KDM2A: variants seen among roughly 807,000 people sequenced by gnomAD.
The protein encoded by KDM2A is lysine-specific demethylase 2A.
In KDM2A, 3 loss-of-function variants were observed where a neutral mutation model predicts 137.3. That is an observed-to-expected ratio of 0.02 (90% CI 0.01 to 0.06). KDM2A has a LOEUF of 0.06. Ranked by LOEUF, KDM2A falls within the 10% of genes least tolerant of loss-of-function variation. KDM2A has a pLI of 1.00. For synonymous variants in KDM2A, 512 were observed against 541.5 expected (o/e 0.95, Z 0.76); for missense variants, 738 against 1,510.6 (o/e 0.49, Z 8.48).
chr11:67,146,632 A>G (rs564914588), intron 2 of KDM2A, among the ~76,000 whole-genome samples: 40 of 152,060 alleles, frequency 2.6e-4, no homozygotes, highest in Non-Finnish European at 4.4e-4. Flanking sequence ...CCTCAGCCCC[A>G]CAAGTACCAG....
At chr11:67,249,204 C>T (rs891746734) in intron 16 of KDM2A, among the ~76,000 whole-genome samples, 1 of 152,212 alleles carries the variant, frequency 6.6e-6, no homozygotes, top group Non-Finnish European at 1.5e-5. Context: ...AGTTCTTGCA[C>T]TAGTGACCTT....
At chr11:67,138,492 A>G (rs1389967678) in intron 2 of KDM2A, among the ~76,000 whole-genome samples, 2 of 152,140 alleles carry the variant, frequency 1.3e-5, no homozygotes, top group African/African-American at 4.8e-5. Context: ...TAGAAAGGGA[A>G]TTCTTGGGCT....
chr11:67,195,190 A>G (rs1231944070), intron 5 of KDM2A, among the ~76,000 whole-genome samples: 2 of 151,932 alleles, frequency 1.3e-5, no homozygotes, highest in Non-Finnish European at 2.9e-5. Flanking sequence ...TTTATCCATG[A>G]CTTGAGCCAT....
intron 5 of KDM2A, among the ~76,000 whole-genome samples, chr11:67,194,535 G>A (rs1345002089): frequency 6.6e-6 from 1 of 152,184 alleles, no homozygotes; most frequent in Non-Finnish European, 1.5e-5. Context: ...AGTAAATCAT[G>A]TAAATACTGC....
At chr11:67,241,157 A>AGT (rs972528424) in intron 12 of KDM2A, among the ~76,000 whole-genome samples, 11 of 152,246 alleles carry the variant, frequency 7.2e-5, no homozygotes, top group African/African-American at 2.6e-4. Flanking sequence ...GTCAGTGCGA[A>AGT]GTGGGGGAGG....
Position 67,140,375 on chromosome 11 carries a change from AT to A in KDM2A, c.42+19018del, listed in dbSNP as rs540583610. ...AGTGAGATCTTGTCTCAAAAAAAAAATATCATGGTTTTATACAAAGAATATA... is the reference window on the plus strand; with the variant it reads ...AGTGAGATCTTGTCTCAAAAAAAAAAATCATGGTTTTATACAAAGAATATA... On this transcript the variant is annotated intron_variant, in intron 2 of 20. Coordinates refer to ENST00000529006, the MANE Select transcript of KDM2A (RefSeq NM_012308.3). Among the ~76,000 whole-genome samples, 157 of 151,980 alleles carry A rather than the reference AT, an allele frequency of 1.0e-3. 1 individual carries two copies. The South Asian group carries it at 0.024, about 24-fold the overall frequency.
intron 2 of KDM2A, among the ~76,000 whole-genome samples, chr11:67,128,812 T>C (rs1855788391): frequency 6.6e-6 from 1 of 152,240 alleles, no homozygotes; most frequent in East Asian, 1.9e-4. Flanking sequence ...ATGCTTCAAA[T>C]AGGGCCTAAC....
In KDM2A at chr11:67,217,880, C is replaced by T. The variant is rs770426802; in HGVS notation, c.837C>T (p.Pro279=). The change falls in exon 9 of 21, where the codon CCC becomes CCT. Residue 279 remains proline (P), a synonymous_variant. Transcript: ENST00000529006. ...ELKQGYTFVI[P]SGWIHAVYTP... The stretch of plus-strand genomic sequence containing the variant: ...AGCAGGGCTATACCTTCGTCATTCC[C>T]TCAGGTAAGCAAAATGGGAAGAGTG... 2.5e-6 allele frequency: 4 copies of T among 1,598,946 alleles called. No individual in the cohort carries two copies. Among genetic ancestry groups the T allele is most frequent in the Non-Finnish European group, 3.4e-6 (4 of 1,172,658 alleles).
At chr11:67,121,553 C>G (rs999497074) in intron 2 of KDM2A, among the ~76,000 whole-genome samples, 195 bp downstream of exon 2, 2 of 152,048 alleles carry the variant, frequency 1.3e-5, no homozygotes, top group African/African-American at 4.8e-5. Flanking sequence ...ATATATTTAT[C>G]TTGTTTGGAA....
At position 67,182,884 on chromosome 11, in the gene KDM2A, T is replaced by C. The variant is rs142888641; in HGVS notation, c.307+992T>C. Among the ~76,000 whole-genome samples, 7 of 152,348 alleles carry C rather than the reference T, an allele frequency of 4.6e-5. 2 individuals carry two copies. The highest frequency in any genetic ancestry group is 1.7e-4 in the African/African-American group (7 of 41,584). On this transcript the variant is annotated intron_variant, in intron 5 of 20. Transcript: ENST00000529006. ...CAATAGGACTTAAAACAAAGGGACTTTTTAAATTTTCTTCCTAGCACTAGA... is the reference window on the plus strand; with the variant it reads ...CAATAGGACTTAAAACAAAGGGACTCTTTAAATTTTCTTCCTAGCACTAGA...
At position 67,231,941 on chromosome 11, in the gene KDM2A, C is replaced by A; in HGVS notation, c.1460C>A (p.Ala487Asp). The change falls in exon 12 of 21, where the codon GCT becomes GAT. Residue 487 changes from alanine to aspartate, a missense_variant. Ala to Asp is a moderately radical substitution (Grantham distance 126). Around this residue, in one of 9 missense-constraint regions of KDM2A, gnomAD observed 71 missense variants for 147.9 expected, o/e 0.48. Coordinates refer to ENST00000529006, the MANE Select transcript of KDM2A (RefSeq NM_012308.3). The stretch of plus-strand genomic sequence containing the variant: ...CCCACAGGGATAGAAGATGAAGATG[C>A]TCTCATTGCTGATGTAAAGGTAAGG... The part of the protein sequence containing the change: ...CVPTGIEDED[A>D]LIADVKILLE... 6.2e-7 allele frequency: 1 copy of A among 1,612,800 alleles called. No individual in the cohort carries two copies.
intron 5 of KDM2A, among the ~76,000 whole-genome samples, chr11:67,189,876 G>A (rs752453568): frequency 2.0e-5 from 3 of 151,976 alleles, no homozygotes; most frequent in Non-Finnish European, 4.4e-5. Flanking sequence ...AACAAAAGAA[G>A]AGAAACTTAA....
chr11:67,120,206 C>G (rs762591056), intron 1 of KDM2A, among the ~76,000 whole-genome samples, 157 bp downstream of exon 1: 2 of 152,232 alleles, frequency 1.3e-5, no homozygotes, highest in Non-Finnish European at 2.9e-5. Flanking sequence ...CCTCTCCGGC[C>G]CTGGCTGCTC....
At chr11:67,186,834 G>A (rs1590760281) in intron 5 of KDM2A, among the ~76,000 whole-genome samples, 2 of 152,202 alleles carry the variant, frequency 1.3e-5, no homozygotes, top group East Asian at 3.8e-4. Context: ...TCAGTAGGCT[G>A]AGGTGGGAGG....
At chr11:67,154,983 T>C (rs189199990) in intron 2 of KDM2A, among the ~76,000 whole-genome samples, 17 of 152,318 alleles carry the variant, frequency 1.1e-4, no homozygotes, top group Admixed American at 3.9e-4. Flanking sequence ...TCAGCATTTG[T>C]GTGTAAATAT....
At chr11:67,124,551 G>T (rs562725305) in intron 2 of KDM2A, among the ~76,000 whole-genome samples, 144 of 147,348 alleles carry the variant, frequency 9.8e-4, no homozygotes, top group Non-Finnish European at 1.8e-3. Context: ...GACCTCAGAT[G>T]ATCACCCACC....
chr11:67,173,902 G>A (rs1251947337), intron 2 of KDM2A, among the ~76,000 whole-genome samples: 1 of 151,378 alleles, frequency 6.6e-6, no homozygotes, highest in Non-Finnish European at 1.5e-5. Context: ...TTATAAGATA[G>A]GGTCTTGGTA....
rs554474405 is a variant in KDM2A, at chr11:67,247,394, T to A, written c.1966-887T>A. Reference sequence around the variant, plus strand: ...TGTGAGCTACCGCACCCAGCCTGATTCTTAGGATATTTTAACAGCATTACA... The same window carrying A: ...TGTGAGCTACCGCACCCAGCCTGATACTTAGGATATTTTAACAGCATTACA... On this transcript the variant is annotated intron_variant, in intron 15 of 20. Coordinates refer to ENST00000529006, the MANE Select transcript of KDM2A (RefSeq NM_012308.3). Among the ~76,000 whole-genome samples the A allele has an allele frequency of 8.9e-4, 132 of 148,414 alleles. 1 individual carries two copies. The highest frequency in any genetic ancestry group is 2.9e-3 in the African/African-American group (116 of 40,356).
At chr11:67,236,596 C>G (rs962120607) in intron 12 of KDM2A, among the ~76,000 whole-genome samples, 5 of 152,160 alleles carry the variant, frequency 3.3e-5, no homozygotes, top group Non-Finnish European at 7.3e-5. Flanking sequence ...TACTTTTCGA[C>G]TTTCCTGTTT....
Sources: gnomAD v4.1 joint callset for allele counts (sites outside exome capture counted in the v4.1 genomes callset) on GRCh38, gnomAD v4.1.1 for gene constraint, gnomAD v4.1.1 regional missense constraint, MANE v1.5 for transcripts, NCBI Gene and HGNC (gene_info 2026-07-23, HGNC 2026-07-21) for gene names.